ARID4B: variants seen among roughly 807,000 people sequenced by gnomAD.
ARID4B encodes the protein AT-rich interactive domain-containing protein 4B.
A neutral mutation model predicts 147.5 loss-of-function variants in ARID4B; 26 were observed. That is an observed-to-expected ratio of 0.18 (90% CI 0.13 to 0.24). ARID4B has a LOEUF of 0.24. Among genes scored for constraint, ARID4B ranks in the 10% least tolerant of loss-of-function variants. ARID4B has a pLI of 1.00. For synonymous variants in ARID4B, 512 were observed against 507.9 expected (o/e 1.01, Z -0.11); for missense variants, 1,179 against 1,511.5 (o/e 0.78, Z 3.65).
At chr1:235,252,703 A>T in intron 6 of ARID4B, 27 bp downstream of exon 6, 2 of 1,592,044 alleles carry the variant, frequency 1.3e-6, no homozygotes. Flanking sequence ...ATATTAAGAC[A>T]TGTTCATTTG....
chr1:235,236,855 TATA>T (rs1668629974), intron 8 of ARID4B, among the ~76,000 whole-genome samples: 1 of 43,914 alleles, frequency 2.3e-5, no homozygotes, highest in Non-Finnish European at 4.5e-5. Flanking sequence ...TATATATATA[TATA>T]TATATTTTTT....
intron 2 of ARID4B, among the ~76,000 whole-genome samples, chr1:235,323,492 A>G (rs1047641683): frequency 1.3e-5 from 2 of 152,186 alleles, no homozygotes; most frequent in East Asian, 3.9e-4. Context: ...AGTTTAAAAA[A>G]AGTAAAAATC....
chr1:235,209,402 C>T (rs1238258758), intron 17 of ARID4B, among the ~76,000 whole-genome samples: 1 of 151,846 alleles, frequency 6.6e-6, no homozygotes, highest in Admixed American at 6.6e-5. Flanking sequence ...ACCTGGGAGG[C>T]GGAGGTGACA....
chr1:235,225,486 G>A (rs776578353), intron 11 of ARID4B, among the ~76,000 whole-genome samples: 16 of 152,198 alleles, frequency 1.1e-4, no homozygotes, highest in Non-Finnish European at 1.8e-4. Flanking sequence ...TTAAGATTGA[G>A]GAACTCACCA....
At chr1:235,200,147 C>T (rs987088516) in intron 17 of ARID4B, among the ~76,000 whole-genome samples, 21 of 151,184 alleles carry the variant, frequency 1.4e-4, no homozygotes, top group Admixed American at 4.0e-4. Flanking sequence ...GGTGAAACTC[C>T]GTCTCTAACA....
chr1:235,190,998 A>C (rs1665061167), intron 19 of ARID4B, among the ~76,000 whole-genome samples: 1 of 152,166 alleles, frequency 6.6e-6, no homozygotes, highest in South Asian at 2.1e-4. Context: ...CCCAGACTGG[A>C]TTTTAAAATC....
chr1:235,315,542 A>G (rs1397578577), intron 2 of ARID4B, among the ~76,000 whole-genome samples: 2 of 152,252 alleles, frequency 1.3e-5, no homozygotes, highest in African/African-American at 4.8e-5. Flanking sequence ...ATGACAGGTA[A>G]ATTTGTAACT....
At chr1:235,325,300 G>C (rs1455291978) in intron 2 of ARID4B, among the ~76,000 whole-genome samples, 2 of 151,258 alleles carry the variant, frequency 1.3e-5, no homozygotes, top group African/African-American at 4.9e-5. Flanking sequence ...CATTTGGCTA[G>C]TATTACCAAG....
At position 235,219,975 on chromosome 1, in the gene ARID4B, A is replaced by G; in HGVS notation, c.1408-7T>C. On this transcript the variant is annotated splice_polypyrimidine_tract_variant and splice_region_variant and intron_variant, in intron 15 of 23. Coordinates refer to ENST00000264183, the MANE Select transcript of ARID4B (RefSeq NM_016374.6). The stretch of plus-strand genomic sequence containing the variant: ...ATAAATTCTTTTTACTTCCCTAGAA[A>G]AAGATCAGAGGAAAGAAACCAACAA... The G allele has an allele frequency of 1.3e-6, 2 of 1,522,722 alleles. No homozygotes were observed. Among genetic ancestry groups the G allele is most frequent in the Non-Finnish European group, 1.8e-6 (2 of 1,135,926 alleles). 94.3% of individuals were successfully genotyped at this position (1,522,722 alleles called of 1,614,324 possible). A position where few individuals can be genotyped will look rare whatever the true frequency, so the allele number is the denominator to read the frequency against.
rs531983273 is a variant in ARID4B at position 235,252,873 on chromosome 1, G to A, written c.275-64C>T. 131 of 1,358,652 alleles carry A rather than the reference G, an allele frequency of 9.6e-5. No homozygotes were observed. In the South Asian group the frequency reaches 1.2e-3, roughly 13 times the overall value. 84.2% of individuals were successfully genotyped at this position (1,358,652 alleles called of 1,614,324 possible). A position where few individuals can be genotyped will look rare whatever the true frequency, so the allele number is the denominator to read the frequency against. ...TTTTCAAAGATCAAAGAGATGACAT[G>A]TATTACAATTTTCTGAGTGCAAACA... On this transcript the variant is annotated intron_variant, in intron 5 of 23. Transcript: ENST00000264183.
rs546933593 is a variant in ARID4B at position 235,252,336 on chromosome 1, A to G, written c.354+394T>C. On this transcript the variant is annotated intron_variant, in intron 6 of 23. Transcript: ENST00000264183. The stretch of plus-strand genomic sequence containing the variant: ...TCAGGCAAGAGGAAAGGGCATAATA[A>G]TATCAGCTAATAGCAGTAGCAGTAG... Among the ~76,000 whole-genome samples the G allele has an allele frequency of 2.0e-5, 3 of 152,302 alleles. No individual in the cohort carries two copies. In the South Asian group the frequency reaches 6.2e-4, roughly 32 times the overall value.
intron 19 of ARID4B, among the ~76,000 whole-genome samples, chr1:235,192,986 A>G (rs4660154): frequency 0.47 from 70,910 of 151,802 alleles, 16,895 homozygotes; most frequent in South Asian, 0.6. Flanking sequence ...CCAGCTACTC[A>G]GGAAGCTGAG....
intron 2 of ARID4B, among the ~76,000 whole-genome samples, chr1:235,299,478 A>G (rs1188308650): frequency 6.6e-6 from 1 of 152,240 alleles, no homozygotes; most frequent in Non-Finnish European, 1.5e-5. Context: ...GGCGTGAGCC[A>G]CTGTGCCTGG....
intron 5 of ARID4B, among the ~76,000 whole-genome samples, 199 bp downstream of exon 5, chr1:235,255,461 T>TATACAA (rs1669925542): frequency 6.6e-6 from 1 of 152,072 alleles, no homozygotes; most frequent in Non-Finnish European, 1.5e-5. Context: ...ATATACACAT[T>TATACAA]AAATAATTTC....
At chr1:235,304,941 G>A (rs1347339265) in intron 2 of ARID4B, among the ~76,000 whole-genome samples, 1 of 152,114 alleles carries the variant, frequency 6.6e-6, no homozygotes, top group Non-Finnish European at 1.5e-5. Context: ...AGGAAACTCT[G>A]GTAGGCAGAA....
intron 2 of ARID4B, among the ~76,000 whole-genome samples, chr1:235,286,922 A>G (rs1672010709): frequency 6.6e-6 from 1 of 152,224 alleles, no homozygotes; most frequent in South Asian, 2.1e-4. Flanking sequence ...AACTGGGTAA[A>G]GACATTCTCA....
intron 2 of ARID4B, among the ~76,000 whole-genome samples, chr1:235,316,409 T>C (rs1674434763): frequency 6.6e-6 from 1 of 151,978 alleles, no homozygotes; most frequent in Non-Finnish European, 1.5e-5. Context: ...CTCTGGAAGC[T>C]GAGGCAGGAG....
At chr1:235,184,443 A>C (rs1664534766) in intron 19 of ARID4B, among the ~76,000 whole-genome samples, 1 of 150,594 alleles carries the variant, frequency 6.6e-6, no homozygotes, top group Non-Finnish European at 1.5e-5. Context: ...AAAACAAAGC[A>C]AAAAAAAAGG....
intron 2 of ARID4B, among the ~76,000 whole-genome samples, chr1:235,298,877 C>A (rs1214585916): frequency 6.6e-6 from 1 of 152,010 alleles, no homozygotes; most frequent in African/African-American, 2.4e-5. Context: ...AAGCTGGCTT[C>A]AATCCATGCA....
Sources: gnomAD v4.1 joint callset for allele counts (sites outside exome capture counted in the v4.1 genomes callset) on GRCh38, gnomAD v4.1.1 for gene constraint, MANE v1.5 for transcripts, NCBI Gene and HGNC (gene_info 2026-07-23, HGNC 2026-07-21) for gene names.